Variants in MSANTD1 observed in about 807,000 individuals in gnomAD.
MSANTD1 encodes the protein Myb/SANT DNA binding domain containing 1, also known as myb/SANT-like DNA-binding domain-containing protein 1.
In MSANTD1, 7 loss-of-function variants were observed where a neutral mutation model predicts 24.2. The observed-to-expected ratio is 0.29, with a 90% CI of 0.16 to 0.54. The LOEUF is 0.54. Among genes scored for constraint, MSANTD1 ranks in the 20% least tolerant of loss-of-function variants. The pLI, the probability that MSANTD1 is intolerant of heterozygous loss-of-function variation, is 0.94. For synonymous variants in MSANTD1, 177 were observed against 181.1 expected (o/e 0.98, Z 0.18); for missense variants, 384 against 408.2 (o/e 0.94, Z 0.51).
chr4:3,250,172 A>C (rs537324065), intron 1 of MSANTD1, among the ~76,000 whole-genome samples: 1 of 152,276 alleles, frequency 6.6e-6, no homozygotes, highest in Admixed American at 6.5e-5. Context: ...CAGCCAGCGC[A>C]TGGGTGGGGC....
chr4:3,253,926 G>A (rs1052712021), intron 2 of MSANTD1, among the ~76,000 whole-genome samples: 6 of 152,322 alleles, frequency 3.9e-5, no homozygotes, highest in Admixed American at 1.3e-4. Flanking sequence ...TCTCAGCACT[G>A]GGGAGGGTGT....
At chr4:3,249,577 G>A (rs763540336) in intron 1 of MSANTD1, 35 bp downstream of exon 1, 17 of 1,562,218 alleles carry the variant, frequency 1.1e-5, no homozygotes, top group East Asian at 6.9e-5. Flanking sequence ...CCACCAGGAC[G>A]GGCGGGCCCG....
chr4:3,254,706 A>G (rs941232635), intron 2 of MSANTD1, among the ~76,000 whole-genome samples: 11 of 152,220 alleles, frequency 7.2e-5, no homozygotes, highest in Admixed American at 2.6e-4. Context: ...AGGCGCCCAC[A>G]GGGCTGGACT....
chr4:3,246,712 C>T (rs1190312217), upstream of MSANTD1: 1 of 682,622 alleles, frequency 1.5e-6, no homozygotes, highest in East Asian at 2.8e-5. Context: ...TGGGGACCCT[C>T]CCAGGCAGGA....
Position 3,253,409 on chromosome 4 carries a change from C to A in MSANTD1, c.523C>A (p.Gln175Lys), listed in dbSNP as rs746426474. 1.9e-6 allele frequency: 3 copies of A among 1,601,166 alleles called. No homozygotes were observed. The African/African-American group carries it at 4.0e-5, about 21-fold the overall frequency. ...KSTPLYFPYN[Q>K]CSYEGRFEDD... ...CACCCCTCTGTACTTCCCGTATAAC[C>A]AGTGCTCCTACGAAGGCCGCTTCGA... Residue 175 changes from glutamine to lysine, a missense_variant, in exon 2 of 3, where the codon CAG becomes AAG. Transcript: ENST00000438480.
intron 2 of MSANTD1, 151 bp from the exon 3 acceptor site, chr4:3,255,574 C>A: frequency 9.3e-7 from 1 of 1,077,652 alleles, no homozygotes; most frequent in Non-Finnish European, 1.3e-6. Flanking sequence ...CTCCTTTGCA[C>A]ATGGAATATG....
At chr4:3,246,140 C>T (rs904639708), upstream of MSANTD1, among the ~76,000 whole-genome samples, 2 of 152,188 alleles carry the variant, frequency 1.3e-5, no homozygotes, top group Non-Finnish European at 2.9e-5. Context: ...GCCCCAATTG[C>T]TCTGGGGAAG....
chr4:3,245,720 C>G (rs1222002470), upstream of MSANTD1, among the ~76,000 whole-genome samples: 3 of 152,234 alleles, frequency 2.0e-5, no homozygotes, highest in Non-Finnish European at 4.4e-5. Context: ...GGCTCTGCAG[C>G]CCCAGCAGCC....
chr4:3,247,137 A>T (rs1722054146), upstream of MSANTD1, among the ~76,000 whole-genome samples: 1 of 152,142 alleles, frequency 6.6e-6, no homozygotes, highest in Non-Finnish European at 1.5e-5. Context: ...GGTAGAGGGC[A>T]CGTAGAGGCC....
intron 1 of MSANTD1, among the ~76,000 whole-genome samples, chr4:3,251,540 G>A (rs1168183532): frequency 6.6e-6 from 1 of 152,190 alleles, no homozygotes. Context: ...AGTTCACCGA[G>A]GGGGAAGCTG....
Position 3,255,842 on chromosome 4 carries a change from G to A in MSANTD1, c.714G>A (p.Glu238=). 6.5e-7 allele frequency: 1 copy of A among 1,545,660 alleles called. No homozygotes were observed. Among genetic ancestry groups the A allele is most frequent in the South Asian group, 1.2e-5 (1 of 83,958 alleles). The part of the protein sequence containing the change: ...EEQRRLSRAV[E]ETCREVRRVL... ...AGCGCCGGCTGAGCCGCGCCGTGGA[G>A]GAGACCTGCCGCGAGGTGCGCCGCG... The change falls in exon 3 of 3, where the codon GAG becomes GAA. Residue 238 remains glutamate (E), a synonymous_variant. Coordinates refer to ENST00000438480, the MANE Select transcript of MSANTD1 (RefSeq NM_001042690.2).
At chr4:3,253,566 G>A (rs907791101) in intron 2 of MSANTD1, 84 bp downstream of exon 2, 16 of 1,356,126 alleles carry the variant, frequency 1.2e-5, no homozygotes, top group African/African-American at 9.4e-5. Context: ...TGGCAAGGCC[G>A]GCGGCGGCGG....
chr4:3,252,561 G>A (rs1443034989), intron 1 of MSANTD1, among the ~76,000 whole-genome samples: 1 of 152,202 alleles, frequency 6.6e-6, no homozygotes, highest in East Asian at 1.9e-4. Context: ...AATCTGCCCT[G>A]TAGCTGGGGG....
intron 1 of MSANTD1, among the ~76,000 whole-genome samples, chr4:3,252,492 C>G (rs547729108): frequency 6.2e-4 from 94 of 152,338 alleles, no homozygotes; most frequent in Middle Eastern, 3.4e-3. Context: ...AGGCTCCTGC[C>G]CAGACTGTAG....
In MSANTD1 at chr4:3,254,296, G is replaced by A. The variant is rs570935026; in HGVS notation, c.596+814G>A. Among the ~76,000 whole-genome samples, 7 of 152,226 alleles carry A rather than the reference G, an allele frequency of 4.6e-5. No individual in the cohort carries two copies. The South Asian group carries it at 6.2e-4, about 13-fold the overall frequency. The stretch of plus-strand genomic sequence containing the variant: ...TATCTTTAGTAGAGAAGGCGTCTCC[G>A]AGGAGGGTCCCTCTCATGCCGGGGG... On this transcript the variant is annotated intron_variant, in intron 2 of 2. Transcript: ENST00000438480.
chr4:3,251,683 TTTTC>T (rs1279725541), intron 1 of MSANTD1, among the ~76,000 whole-genome samples: 1 of 147,868 alleles, frequency 6.8e-6, no homozygotes, highest in East Asian at 1.9e-4. Flanking sequence ...TTTCTTTTTT[TTTTC>T]TTTTTCTTTT....
upstream of MSANTD1, chr4:3,246,710 C>T (rs1488590082): frequency 1.0e-5 from 7 of 684,018 alleles, no homozygotes; most frequent in South Asian, 1.1e-4. Context: ...TGTGGGGACC[C>T]TCCCAGGCAG....
At chr4:3,247,022 C>A (rs1722049772), upstream of MSANTD1, among the ~76,000 whole-genome samples, 1 of 152,092 alleles carries the variant, frequency 6.6e-6, no homozygotes. Context: ...CCGGTGGGGG[C>A]CCCCGGCAGT....
At chr4:3,248,296 C>T (rs1441718583), upstream of MSANTD1, 2 of 152,384 alleles carry the variant, frequency 1.3e-5, no homozygotes, top group African/African-American at 4.8e-5. Flanking sequence ...GGGGCCTGCC[C>T]CGCAGCCTGG....
Sources: gnomAD v4.1 joint callset for allele counts (sites outside exome capture counted in the v4.1 genomes callset) on GRCh38, gnomAD v4.1.1 for gene constraint, MANE v1.5 for transcripts, NCBI Gene and HGNC (gene_info 2026-07-23, HGNC 2026-07-21) for gene names.